The following ZNF770 variants were observed in gnomAD, a reference collection of about 807,000 sequenced individuals.
ZNF770 encodes zinc finger protein 770.
A neutral mutation model predicts 44.8 loss-of-function variants in ZNF770; 13 were observed. The ratio of observed to expected loss-of-function variants is 0.29; its 90% confidence interval spans 0.19 to 0.46. The LOEUF is 0.46. Among genes scored for constraint, ZNF770 ranks in the 20% least tolerant of loss-of-function variants. ZNF770 has a pLI of 1.00. For synonymous variants in ZNF770, 304 were observed against 271.8 expected (o/e 1.12, Z -1.17); for missense variants, 681 against 797.9 (o/e 0.85, Z 1.77).
In ZNF770 at chr15:34,982,541, C is replaced by T. The variant is rs1274484054; in HGVS notation, c.894G>A (p.Lys298=). ...GCTCTGATTCAAAACACTTTTCACA[C>T]TTTGGACATTGAAAAGGGACAATAT... ...SIYIVPFQCP[K]CEKCFESEQI... is the part of the protein sequence containing the mutation. Residue 298 remains lysine, a synonymous_variant, in exon 3 of 3, where the codon AAG becomes AAA. Transcript: ENST00000356321. 3 of 1,614,008 alleles carry T rather than the reference C, an allele frequency of 1.9e-6. No homozygotes were observed. Among genetic ancestry groups the T allele is most frequent in the Non-Finnish European group, 1.7e-6 (2 of 1,180,000 alleles).
rs1449505938 is a variant in ZNF770, at chr15:34,981,610, G to A, written c.1825C>T (p.Pro609Ser). 9 of 1,614,020 alleles carry A rather than the reference G, an allele frequency of 5.6e-6. No individual in the cohort carries two copies. Among genetic ancestry groups the A allele is most frequent in the South Asian group, 5.5e-5 (5 of 91,086 alleles). ...NVLLESEQSN[P>S]FCSYSEHQEK... ...TGATGCTCTGAATAACTGCAAAAAG[G>A]ATTGCTTTGCTCTGATTCCAAAAGT... The change falls in exon 3 of 3, where the codon CCT becomes TCT. Residue 609 changes from proline to serine, a missense_variant. Coordinates refer to ENST00000356321, the MANE Select transcript of ZNF770 (RefSeq NM_014106.4).
At position 34,982,865 on chromosome 15, in the gene ZNF770, A is replaced by G. The variant is rs772991900; in HGVS notation, c.570T>C (p.Cys190=). ...GTCGAAAAGATTTAGTACACAAGACACATTTAAAAGGCCTCTGACCAGTAT... is the reference window on the plus strand; with the variant it reads ...GTCGAAAAGATTTAGTACACAAGACGCATTTAAAAGGCCTCTGACCAGTAT... ...LIHTGQRPFK[C]VLCTKSFRQS... Residue 190 remains cysteine (C), a synonymous_variant, in exon 3 of 3, where the codon TGT becomes TGC. Transcript: ENST00000356321. 6.2e-7 allele frequency: 1 copy of G among 1,613,964 alleles called. No homozygotes were observed. The highest frequency in any genetic ancestry group is 8.5e-7 in the Non-Finnish European group (1 of 1,179,970).
chr15:34,981,307 G>C lies in ZNF770; in HGVS notation c.*52C>G, dbSNP rs780987051. ...ATAAAAATGCATTTTAAATAATACAGGCTTTAAAAATAAGATCACCAGAGA... is the reference window on the plus strand; with the variant it reads ...ATAAAAATGCATTTTAAATAATACACGCTTTAAAAATAAGATCACCAGAGA... On this transcript the variant is annotated 3_prime_UTR_variant, in exon 3 of 3. Coordinates refer to ENST00000356321, the MANE Select transcript of ZNF770 (RefSeq NM_014106.4). The C allele has an allele frequency of 2.4e-5, 36 of 1,499,468 alleles. No individual in the cohort carries two copies. In the African/African-American group the frequency reaches 4.2e-4, roughly 18 times the overall value. 92.9% of individuals were successfully genotyped at this position (1,499,468 alleles called of 1,614,324 possible).
Position 34,981,214 on chromosome 15 carries a change from T to C in ZNF770, c.*145A>G. 1 of 783,816 alleles carries C rather than the reference T, an allele frequency of 1.3e-6. No homozygotes were observed. The highest frequency in any genetic ancestry group is 2.0e-6 in the Non-Finnish European group (1 of 512,006). 48.6% of individuals were successfully genotyped at this position (783,816 alleles called of 1,614,324 possible). On this transcript the variant is annotated 3_prime_UTR_variant, in exon 3 of 3. Transcript: ENST00000356321. ...AAACATTGTATTAATTTTCTATGTATTCTACCTCCTTACTATGCAGGACAA... is the reference window on the plus strand; with the variant it reads ...AAACATTGTATTAATTTTCTATGTACTCTACCTCCTTACTATGCAGGACAA...
chr15:34,983,353 C>A lies in ZNF770; in HGVS notation c.82G>T (p.Val28Phe). The A allele has an allele frequency of 6.2e-7, 1 of 1,609,832 alleles. No homozygotes were observed. The highest frequency in any genetic ancestry group is 8.5e-7 in the Non-Finnish European group (1 of 1,177,482). The part of the protein sequence containing the change: ...ANKLPRNRPY[V>F]CNICFKHFET... The stretch of plus-strand genomic sequence containing the variant: ...AAGTGCTTAAAACAAATATTGCAAA[C>A]ATATGGCCTGTTTCTAGGTAGTTTG... Residue 28 changes from valine to phenylalanine, a missense_variant, in exon 3 of 3, where the codon GTT (valine) becomes TTT (phenylalanine). Coordinates refer to ENST00000356321, the MANE Select transcript of ZNF770 (RefSeq NM_014106.4).
chr15:34,979,888 T>C lies in ZNF770; in HGVS notation c.*1471A>G, dbSNP rs977797941. The C allele has an allele frequency of 6.6e-6, 2 of 302,348 alleles. No homozygotes were observed. Among genetic ancestry groups the C allele is most frequent in the South Asian group, 2.7e-5 (1 of 37,600 alleles). The allele number at this position is 302,348 out of a possible 1,614,324, so 18.7% of individuals were successfully genotyped here. ...AACAAAGGCAAATATGAAGGAAAATTTGTAATTATGAAATAAGTCCTTTGT... is the reference window on the plus strand; with the variant it reads ...AACAAAGGCAAATATGAAGGAAAATCTGTAATTATGAAATAAGTCCTTTGT... On this transcript the variant is annotated 3_prime_UTR_variant, in exon 3 of 3. Coordinates refer to ENST00000356321, the MANE Select transcript of ZNF770 (RefSeq NM_014106.4).
chr15:34,981,640 T>C lies in ZNF770; in HGVS notation c.1795A>G (p.Asn599Asp). The C allele has an allele frequency of 6.2e-7, 1 of 1,614,114 alleles. No homozygotes were observed. The highest frequency in any genetic ancestry group is 8.5e-7 in the Non-Finnish European group (1 of 1,180,026). The change falls in exon 3 of 3, where the codon AAT becomes GAT. Residue 599 changes from asparagine to aspartate, a missense_variant. Coordinates refer to ENST00000356321, the MANE Select transcript of ZNF770 (RefSeq NM_014106.4). ...CTTTGCTCTGATTCCAAAAGTACATTAGGAAGACAGGGTTGCCCGGTGCTA... is the reference window on the plus strand; with the variant it reads ...CTTTGCTCTGATTCCAAAAGTACATCAGGAAGACAGGGTTGCCCGGTGCTA... ...PGSTGQPCLP[N>D]VLLESEQSNP...
At chr15:34,987,108 G>A (rs1044850877) in intron 2 of ZNF770, among the ~76,000 whole-genome samples, 3 of 152,196 alleles carry the variant, frequency 2.0e-5, no homozygotes, top group African/African-American at 7.2e-5. Context: ...ATGCTTTCGT[G>A]GAACACGCCT....
In ZNF770 at chr15:34,988,240, G is replaced by C. The variant is rs1250323091; in HGVS notation, c.-298C>G. 1 of 152,218 alleles carries C rather than the reference G, an allele frequency of 6.6e-6. No homozygotes were observed. Among genetic ancestry groups the C allele is most frequent in the Non-Finnish European group, 1.5e-5 (1 of 68,056 alleles). The allele number at this position is 152,218 out of a possible 1,614,324, so 9.4% of individuals were successfully genotyped here. Reference sequence around the variant, plus strand: ...CCGGGAGGCACGCACCTCAGGCCCAGGTGCCGCGAAGGCAGCGCGCGCACG... The same window carrying C: ...CCGGGAGGCACGCACCTCAGGCCCACGTGCCGCGAAGGCAGCGCGCGCACG... On this transcript the variant is annotated 5_prime_UTR_variant, in exon 1 of 3. Transcript: ENST00000356321.
intron 2 of ZNF770, among the ~76,000 whole-genome samples, chr15:34,985,753 G>A (rs1407702797): frequency 6.6e-6 from 1 of 152,092 alleles, no homozygotes; most frequent in Non-Finnish European, 1.5e-5. Flanking sequence ...AATTAGCTGA[G>A]TGTGGTGGTA....
In ZNF770 at chr15:34,980,860, A is replaced by C. The variant is rs1243103490; in HGVS notation, c.*499T>G. ...TCTCTGTAGTTTTTTTAACTTACAA[A>C]AAAAAAAAAAAAATTACCAATGCAA... On this transcript the variant is annotated 3_prime_UTR_variant, in exon 3 of 3. Transcript: ENST00000356321. 2 of 67,986 alleles carry C rather than the reference A, an allele frequency of 2.9e-5. No homozygotes were observed. The highest frequency in any genetic ancestry group is 1.1e-4 in the African/African-American group (1 of 8,892). 4.2% of individuals were successfully genotyped at this position (67,986 alleles called of 1,614,324 possible). A position where few individuals can be genotyped will look rare whatever the true frequency, so the allele number is the denominator to read the frequency against.
chr15:34,985,133 C>CAA (rs59814718), intron 2 of ZNF770, among the ~76,000 whole-genome samples: 9 of 105,758 alleles, frequency 8.5e-5, no homozygotes, highest in East Asian at 2.9e-4. Context: ...GAGACTGTCT[C>CAA]AAAAAAAAAA....
chr15:34,983,496 A>C lies in ZNF770; in HGVS notation c.-56-6T>G. On this transcript the variant is annotated splice_polypyrimidine_tract_variant and splice_region_variant and intron_variant, in intron 2 of 2. Coordinates refer to ENST00000356321, the MANE Select transcript of ZNF770 (RefSeq NM_014106.4). ...TTCTTAAATTCCACAGATGTCTAAA[A>C]ATTAAAGGAAAAAAAGTATTAATTT... is the stretch of plus-strand genomic sequence containing the variant. The C allele has an allele frequency of 1.6e-6, 2 of 1,286,262 alleles. No individual in the cohort carries two copies. The highest frequency in any genetic ancestry group is 5.2e-5 in the South Asian group (2 of 38,102). The allele number at this position is 1,286,262 out of a possible 1,614,324, so 79.7% of individuals were successfully genotyped here. A position where few individuals can be genotyped will look rare whatever the true frequency, so the allele number is the denominator to read the frequency against.
chr15:34,987,008 T>C (rs922931292), intron 2 of ZNF770, among the ~76,000 whole-genome samples: 3 of 152,270 alleles, frequency 2.0e-5, no homozygotes, highest in African/African-American at 7.2e-5. Context: ...AGCCTGGTAA[T>C]TGTCCAATGT....
intron 2 of ZNF770, among the ~76,000 whole-genome samples, chr15:34,986,438 C>G (rs1235456519): frequency 6.6e-6 from 1 of 152,032 alleles, no homozygotes; most frequent in Non-Finnish European, 1.5e-5. Flanking sequence ...CTAAACATGC[C>G]GATACAGAGC....
intron 2 of ZNF770, among the ~76,000 whole-genome samples, chr15:34,985,715 G>C (rs1178541354): frequency 6.6e-6 from 1 of 152,022 alleles, no homozygotes; most frequent in Non-Finnish European, 1.5e-5. Flanking sequence ...CCAACATGGT[G>C]AAACCCTGTC....
rs1269800931 is a variant in ZNF770, at chr15:34,980,868, A to T, written c.*491T>A. ...GTTTTTTTAACTTACAAAAAAAAAA[A>T]AAAAATTACCAATGCAATTTGAGTC... On this transcript the variant is annotated 3_prime_UTR_variant, in exon 3 of 3. Coordinates refer to ENST00000356321, the MANE Select transcript of ZNF770 (RefSeq NM_014106.4). 2 of 152,508 alleles carry T rather than the reference A, an allele frequency of 1.3e-5. No individual in the cohort carries two copies. Among genetic ancestry groups the T allele is most frequent in the Non-Finnish European group, 2.9e-5 (2 of 68,270 alleles). The allele number at this position is 152,508 out of a possible 1,614,324, so 9.4% of individuals were successfully genotyped here.
intron 2 of ZNF770, among the ~76,000 whole-genome samples, chr15:34,986,887 G>A (rs903119687): frequency 1.3e-5 from 2 of 152,248 alleles, no homozygotes; most frequent in African/African-American, 4.8e-5. Flanking sequence ...TATCTAGCAG[G>A]AGGGGCAGGG....
chr15:34,983,913 C>G (rs1245760713), intron 2 of ZNF770, among the ~76,000 whole-genome samples: 1 of 151,648 alleles, frequency 6.6e-6, no homozygotes, highest in Non-Finnish European at 1.5e-5. Context: ...TACTTGCATT[C>G]AATTATAGCA....
Sources: allele counts gnomAD v4.1 joint callset (sites outside exome capture counted in the v4.1 genomes callset), GRCh38; gene constraint gnomAD v4.1.1; transcripts MANE v1.5; gene names NCBI Gene and HGNC (gene_info 2026-07-23, HGNC 2026-07-21).